CDH23: variants seen among roughly 807,000 people sequenced by gnomAD.
CDH23 encodes cadherin-23.
A neutral mutation model predicts 317.1 loss-of-function variants in CDH23; 189 were observed. That is an observed-to-expected ratio of 0.60 (90% CI 0.53 to 0.67). The LOEUF is 0.67. Among genes scored for constraint, CDH23 ranks in the 30% least tolerant of loss-of-function variants. The pLI, the probability that CDH23 is intolerant of heterozygous loss-of-function variation, is 0.00. For synonymous variants in CDH23, 1,839 were observed against 1,876.8 expected, an observed-to-expected ratio of 0.98 and a Z score of 0.52; for missense variants, 4,401 against 4,592.4, an observed-to-expected ratio of 0.96 and a Z score of 1.20.
At chr10:71,417,064 CTTCTT>C (rs1465815626) in intron 1 of CDH23, among the ~76,000 whole-genome samples, 6 of 118,708 alleles carry the variant, frequency 5.1e-5, no homozygotes, top group Non-Finnish European at 1.1e-4. Flanking sequence ...CTTTTCCTTT[CTTCTT>C]TTCTTTTCTT....
intron 30 of CDH23, among the ~76,000 whole-genome samples, chr10:71,729,403 C>T (rs1429372804): frequency 1.3e-5 from 2 of 152,238 alleles, no homozygotes; most frequent in Admixed American, 6.5e-5. Context: ...GGGAGCTAGG[C>T]CTCCGTCCCC....
intron 42 of CDH23, 87 bp from the exon 43 acceptor site, chr10:71,784,804 C>A: frequency 9.7e-7 from 1 of 1,031,756 alleles, no homozygotes; most frequent in Non-Finnish European, 1.5e-6. Context: ...TCCCTCCATG[C>A]CGCCCTTGGC....
intron 3 of CDH23, among the ~76,000 whole-genome samples, chr10:71,493,109 G>A (rs576567453): frequency 1.2e-4 from 18 of 152,324 alleles, no homozygotes; most frequent in Admixed American, 4.6e-4. Context: ...AGCTCATTGC[G>A]TGGGGGAGTG....
chr10:71,665,849 C>T (rs761962383), intron 14 of CDH23, among the ~76,000 whole-genome samples: 5 of 152,338 alleles, frequency 3.3e-5, no homozygotes, highest in Non-Finnish European at 5.9e-5. Context: ...TCTTGCACTG[C>T]ACCCCCCAGG....
At chr10:71,744,731 C>A (rs1479632419) in intron 38 of CDH23, among the ~76,000 whole-genome samples, 1 of 152,298 alleles carries the variant, frequency 6.6e-6, no homozygotes, top group African/African-American at 2.4e-5. Flanking sequence ...CAGCTCTGCT[C>A]CCTGAGGCCC....
chr10:71,573,022 T>C (rs1418787373), intron 8 of CDH23, among the ~76,000 whole-genome samples: 1 of 152,222 alleles, frequency 6.6e-6, no homozygotes, highest in East Asian at 1.9e-4. Flanking sequence ...TTTGGCTGAA[T>C]CAAACGGCCT....
chr10:71,485,084 T>A (rs181062230), intron 3 of CDH23, among the ~76,000 whole-genome samples: 1 of 145,280 alleles, frequency 6.9e-6, no homozygotes, highest in East Asian at 2.1e-4. Context: ...TGGAGGGCAG[T>A]GGTGCGATCT....
chr10:71,699,813 G>A (rs768121765), intron 22 of CDH23, among the ~76,000 whole-genome samples: 8 of 152,182 alleles, frequency 5.3e-5, no homozygotes, highest in Non-Finnish European at 8.8e-5. Flanking sequence ...AGAGGTCACA[G>A]CCCTCCACCC....
chr10:71,662,765 C>G (rs1253348957), intron 14 of CDH23, among the ~76,000 whole-genome samples: 2 of 152,236 alleles, frequency 1.3e-5, no homozygotes, highest in African/African-American at 4.8e-5. Context: ...CTTGCCCCTT[C>G]CCTGGGTATC....
intron 11 of CDH23, among the ~76,000 whole-genome samples, chr10:71,632,342 C>T (rs1038129837): frequency 1.9e-4 from 29 of 152,236 alleles, no homozygotes; most frequent in African/African-American, 6.0e-4. Flanking sequence ...CCTTGAACAC[C>T]GCTGTGAGAT....
At position 71,793,383 on chromosome 10, in the gene CDH23, T is replaced by G; in HGVS notation, c.6455T>G (p.Val2152Gly). The change falls in exon 48 of 70, where the codon GTT becomes GGT. Residue 2152 changes from valine (V) to glycine (G), a missense_variant. Val to Gly is a moderately radical substitution (Grantham distance 109). Around this residue, in one of 3 missense-constraint regions of CDH23, gnomAD observed 3,068 missense variants for 3,203.3 expected, o/e 0.96. Transcript: ENST00000224721. ...LTVVATDRGT[V>G]PLSGTAIVTI... is the part of the protein sequence containing the mutation. ...GTGGTGGCCACCGACCGGGGCACCG[T>G]TCCTCTCTCGGGCACAGCCATTGTC... 1 of 1,613,928 alleles carries G rather than the reference T, an allele frequency of 6.2e-7. No individual in the cohort carries two copies. Among genetic ancestry groups the G allele is most frequent in the Admixed American group, 1.7e-5 (1 of 60,016 alleles).
intron 9 of CDH23, among the ~76,000 whole-genome samples, chr10:71,591,130 G>A (rs530280559): frequency 7.2e-5 from 11 of 152,216 alleles, no homozygotes; most frequent in South Asian, 4.2e-4. Context: ...TTTGCTGAGC[G>A]GCTGGTGCTG....
At position 71,592,100 on chromosome 10, in the gene CDH23, A is replaced by G. The variant is rs141643310; in HGVS notation, c.832+14108A>G. ...AAAGGGAAAGATGCAAGATGATTTG[A>G]AGGGTCTTGGGCCAAGCTAAGGAGT... On this transcript the variant is annotated intron_variant, in intron 9 of 69. Transcript: ENST00000224721. 1.6e-4 allele frequency among the ~76,000 whole-genome samples: 24 copies of G among 152,228 alleles called. No individual in the cohort carries two copies. The East Asian group carries it at 2.1e-3, about 14-fold the overall frequency.
Position 71,797,123 on chromosome 10 carries a change from C to T in CDH23, c.6732C>T (p.Ser2244=), listed in dbSNP as rs775777697. The stretch of plus-strand genomic sequence containing the variant: ...CCACAGGATCTGTAATGGTGAAGTC[C>T]CCCATGAATCGGGAGCTGGTTGCCA... The part of the protein sequence containing the change: ...NINTGSVMVK[S]PMNRELVATY... The change falls in exon 49 of 70, where the codon TCC becomes TCT. Residue 2244 remains serine, a synonymous_variant. Transcript: ENST00000224721. 3.7e-6 allele frequency: 6 copies of T among 1,612,658 alleles called. No homozygotes were observed. The highest frequency in any genetic ancestry group is 5.1e-6 in the Non-Finnish European group (6 of 1,179,098).
chr10:71,752,136 G>A (rs1288775020), intron 38 of CDH23: 2 of 607,810 alleles, frequency 3.3e-6, no homozygotes, highest in African/African-American at 3.7e-5. Flanking sequence ...GCACAGCCAG[G>A]AAGCCAAAAA....
rs1339793117 is a variant in CDH23, at chr10:71,815,933, A to T, written c.*655A>T. 6.3e-6 allele frequency: 1 copy of T among 159,486 alleles called. No homozygotes were observed. Among genetic ancestry groups the T allele is most frequent in the Non-Finnish European group, 1.4e-5 (1 of 71,782 alleles). 9.9% of individuals were successfully genotyped at this position (159,486 alleles called of 1,614,324 possible). A position where few individuals can be genotyped will look rare whatever the true frequency, so the allele number is the denominator to read the frequency against. ...TTTGTGTGTGTTCCTTTTTTAAATT[A>T]AGTTATTCCCTCAATAGTTTCCCCT... On this transcript the variant is annotated 3_prime_UTR_variant, in exon 70 of 70. Coordinates refer to ENST00000224721, the MANE Select transcript of CDH23 (RefSeq NM_022124.6).
intron 69 of CDH23, among the ~76,000 whole-genome samples, chr10:71,814,648 A>G (rs4747200): frequency 0.34 from 51,303 of 149,900 alleles, 9,383 homozygotes; most frequent in East Asian, 0.61. Flanking sequence ...ACACACATAC[A>G]CACACACACA....
chr10:71,726,950 G>C (rs1866839496), intron 30 of CDH23, among the ~76,000 whole-genome samples: 1 of 152,138 alleles, frequency 6.6e-6, no homozygotes, highest in Non-Finnish European at 1.5e-5. Context: ...AGCATCCCAG[G>C]GTACAGTGTA....
At chr10:71,717,674 A>G (rs1380152918) in intron 28 of CDH23, 1 of 152,234 alleles carries the variant, frequency 6.6e-6, no homozygotes, top group Non-Finnish European at 1.5e-5. Context: ...GGGCCCTCTC[A>G]AGGAAGTGGA....
Sources: gnomAD v4.1 joint callset for allele counts (sites outside exome capture counted in the v4.1 genomes callset) on GRCh38, gnomAD v4.1.1 for gene constraint, gnomAD v4.1.1 regional missense constraint, MANE v1.5 for transcripts, NCBI Gene and HGNC (gene_info 2026-07-23, HGNC 2026-07-21) for gene names.